Variants in DNAJC1 observed in about 807,000 individuals in gnomAD.
DNAJC1 encodes DnaJ heat shock protein family (Hsp40) member C1, also known as dnaJ homolog subfamily C member 1.
DNAJC1 carries 58 observed loss-of-function variants against 76.6 expected under a neutral mutation model. The observed-to-expected ratio is 0.76, with a 90% CI of 0.61 to 0.94. The LOEUF is 0.94. Among genes scored for constraint, DNAJC1 ranks in the 40% least tolerant of loss-of-function variants. DNAJC1 has a pLI of 0.00. For synonymous variants in DNAJC1, 258 were observed against 267.9 expected, an observed-to-expected ratio of 0.96 and a Z score of 0.36; for missense variants, 689 against 677.3, an observed-to-expected ratio of 1.02 and a Z score of -0.19.
chr10:21,981,954 C>T (rs184573567), intron 1 of DNAJC1, among the ~76,000 whole-genome samples: 68 of 152,256 alleles, frequency 4.5e-4, no homozygotes, highest in African/African-American at 1.6e-3. Context: ...TCCTCATTCC[C>T]CACCAACCCC....
intron 1 of DNAJC1, among the ~76,000 whole-genome samples, chr10:21,932,566 TCTCA>T (rs1278415541): frequency 6.6e-6 from 1 of 152,170 alleles, no homozygotes; most frequent in Non-Finnish European, 1.5e-5. Flanking sequence ...GAAAGATGAT[TCTCA>T]CTAAGTGTCT....
intron 8 of DNAJC1, among the ~76,000 whole-genome samples, chr10:21,816,782 T>C (rs1298387056): frequency 7.1e-6 from 1 of 141,632 alleles, no homozygotes; most frequent in African/African-American, 2.6e-5. Flanking sequence ...CCTGACCTCG[T>C]GATCCACCCG....
intron 1 of DNAJC1, among the ~76,000 whole-genome samples, chr10:21,959,159 C>G (rs980214219): frequency 6.6e-6 from 1 of 151,980 alleles, no homozygotes; most frequent in African/African-American, 2.4e-5. Context: ...GAGTCTCGCT[C>G]GGTTACCTAG....
At chr10:21,956,905 T>C (rs2131813495) in intron 1 of DNAJC1, among the ~76,000 whole-genome samples, 2 of 151,296 alleles carry the variant, frequency 1.3e-5, no homozygotes, top group South Asian at 4.2e-4. Flanking sequence ...AGATTTTTTT[T>C]TTTTTTTTTG....
intron 1 of DNAJC1, among the ~76,000 whole-genome samples, chr10:21,994,072 T>C (rs929308884): frequency 3.3e-5 from 5 of 152,348 alleles, no homozygotes; most frequent in African/African-American, 1.2e-4. Context: ...AGGCAGTCTA[T>C]CAGCATTACA....
intron 8 of DNAJC1, among the ~76,000 whole-genome samples, chr10:21,808,900 T>C (rs1429565305): frequency 6.6e-6 from 1 of 152,206 alleles, no homozygotes; most frequent in Admixed American, 6.5e-5. Context: ...CACTCCAATT[T>C]TGCATCAGAA....
rs1837012869 is a variant in DNAJC1, at chr10:21,919,888, CT to C, written c.578del (p.Lys193ArgfsTer22). 6.8e-6 allele frequency: 11 copies of C among 1,607,096 alleles called. No individual in the cohort carries two copies. The highest frequency in any genetic ancestry group is 4.4e-5 in the South Asian group (4 of 90,074). ...LSRKKREKKK[K>X]TGSKSVDVSK... ...ATACATCCACACTCTTGCTGCCAGTCTTTTTTTTCTTTTCTCTCTTTTTTCT... is the reference window on the plus strand; with the variant it reads ...ATACATCCACACTCTTGCTGCCAGTCTTTTTTTCTTTTCTCTCTTTTTTCT... On this transcript the variant is annotated frameshift_variant, in exon 5 of 12. Coordinates refer to ENST00000376980, the MANE Select transcript of DNAJC1 (RefSeq NM_022365.4). LOFTEE classifies it high-confidence loss of function.
At chr10:21,962,649 CTTT>C (rs775112321) in intron 1 of DNAJC1, among the ~76,000 whole-genome samples, 2 of 131,944 alleles carry the variant, frequency 1.5e-5, no homozygotes, top group African/African-American at 5.5e-5. Context: ...TTTTCTTTTT[CTTT>C]TTTTTTTTTT....
intron 8 of DNAJC1, among the ~76,000 whole-genome samples, chr10:21,815,680 T>C (rs568149639): frequency 1.3e-5 from 2 of 152,218 alleles, no homozygotes; most frequent in Admixed American, 6.5e-5. Context: ...TATTTTTTTA[T>C]GGTTAGTGAT....
intron 1 of DNAJC1, among the ~76,000 whole-genome samples, chr10:21,943,134 C>T (rs972070187): frequency 3.3e-5 from 5 of 151,494 alleles, no homozygotes; most frequent in Non-Finnish European, 2.9e-5. Context: ...AAATGAAATT[C>T]TACACAGAGG....
chr10:21,941,054 A>T (rs1441915589), intron 1 of DNAJC1, among the ~76,000 whole-genome samples: 1 of 148,050 alleles, frequency 6.8e-6, no homozygotes, highest in African/African-American at 2.5e-5. Flanking sequence ...GATCGAGACC[A>T]TCCTGGCTAA....
Position 21,764,184 on chromosome 10 carries a change from A to G in DNAJC1, c.1147+2077T>C, listed in dbSNP as rs1414757523. Among the ~76,000 whole-genome samples the G allele has an allele frequency of 3.9e-5, 6 of 152,328 alleles. No individual in the cohort carries two copies. In the East Asian group the frequency reaches 7.7e-4, roughly 20 times the overall value. ...AAACTATGGGGCAGACATCTATACT[A>G]TGGACTACTATGGAGCCATTAAGAA... On this transcript the variant is annotated intron_variant, in intron 10 of 11. Transcript: ENST00000376980.
At position 21,813,244 on chromosome 10, in the gene DNAJC1, A is replaced by ATATATATATATATATG. The variant is rs1429581567; in HGVS notation, c.979-7146_979-7145insCATATATATATATATA. Among the ~76,000 whole-genome samples, 65 of 122,866 alleles carry ATATATATATATATATG rather than the reference A, an allele frequency of 5.3e-4. 2 individuals are homozygous for ATATATATATATATATG. Among genetic ancestry groups the ATATATATATATATATG allele is most frequent in the African/African-American group, 2.5e-3 (61 of 24,728 alleles). 80.6% of individuals were successfully genotyped at this position (122,866 alleles called of 152,430 possible). A position where few individuals can be genotyped will look rare whatever the true frequency, so the allele number is the denominator to read the frequency against. ...TCTATATATATATATATATATATAT[A>ATATATATATATATATG]CACATACAGCTTCTGCCTTGCTCTT... On this transcript the variant is annotated intron_variant, in intron 8 of 11. Transcript: ENST00000376980.
intron 9 of DNAJC1, among the ~76,000 whole-genome samples, chr10:21,770,512 C>T (rs1834361051): frequency 6.6e-6 from 1 of 151,642 alleles, no homozygotes; most frequent in Non-Finnish European, 1.5e-5. Context: ...ATTCTCCCAC[C>T]TCAGCCTCAC....
chr10:21,843,973 A>C (rs1185461577), intron 8 of DNAJC1, among the ~76,000 whole-genome samples: 4 of 152,086 alleles, frequency 2.6e-5, no homozygotes, highest in Admixed American at 2.6e-4. Context: ...TTTCCCCCAT[A>C]CTGTTCTCAT....
At chr10:21,768,199 A>G (rs1267881908) in intron 9 of DNAJC1, among the ~76,000 whole-genome samples, 1 of 152,202 alleles carries the variant, frequency 6.6e-6, no homozygotes, top group Non-Finnish European at 1.5e-5. Context: ...CTTTCCATTT[A>G]TTTAAAATAT....
intron 8 of DNAJC1, among the ~76,000 whole-genome samples, chr10:21,820,953 T>C (rs1337544776): frequency 6.6e-6 from 1 of 152,212 alleles, no homozygotes; most frequent in Non-Finnish European, 1.5e-5. Context: ...TGAAGCCCTC[T>C]GAACCCTGTC....
intron 1 of DNAJC1, among the ~76,000 whole-genome samples, chr10:21,987,860 T>C (rs944966241): frequency 6.6e-6 from 1 of 152,166 alleles, no homozygotes; most frequent in Non-Finnish European, 1.5e-5. Flanking sequence ...GTCCCACAAT[T>C]CAAACTCTTC....
intron 1 of DNAJC1, among the ~76,000 whole-genome samples, chr10:21,941,643 TAA>T (rs1219436771): frequency 6.6e-6 from 1 of 152,206 alleles, no homozygotes; most frequent in African/African-American, 2.4e-5. Context: ...CTGTTTGTTT[TAA>T]GTTTTTCATA....
Sources: gnomAD v4.1 joint callset for allele counts (sites outside exome capture counted in the v4.1 genomes callset) on GRCh38, gnomAD v4.1.1 for gene constraint, MANE v1.5 for transcripts, NCBI Gene and HGNC (gene_info 2026-07-23, HGNC 2026-07-21) for gene names.